The following IQGAP2 variants were observed in gnomAD, a reference collection of about 807,000 sequenced individuals.
IQGAP2 encodes ras GTPase-activating-like protein IQGAP2.
IQGAP2 carries 173 observed loss-of-function variants against 201.3 expected under a neutral mutation model. The ratio of observed to expected loss-of-function variants is 0.86; its 90% CI spans 0.76 to 0.98. IQGAP2 has a LOEUF of 0.98. IQGAP2 is among the 50% of genes least tolerant of loss of function. The pLI, the probability that IQGAP2 is intolerant of heterozygous loss-of-function variation, is 0.00. For synonymous variants in IQGAP2, 675 were observed against 673.9 expected, an observed-to-expected ratio of 1.00 and a Z score of -0.03; for missense variants, 1,687 against 1,864.8, an observed-to-expected ratio of 0.90 and a Z score of 1.76.
intron 2 of IQGAP2, among the ~76,000 whole-genome samples, chr5:76,535,591 T>C (rs1759575789): frequency 6.6e-6 from 1 of 152,200 alleles, no homozygotes; most frequent in Non-Finnish European, 1.5e-5. Flanking sequence ...GCCCTGGGTC[T>C]GTGTGACAAA....
At chr5:76,700,569 G>A (rs955655244) in intron 33 of IQGAP2, among the ~76,000 whole-genome samples, 3 of 152,070 alleles carry the variant, frequency 2.0e-5, no homozygotes, top group Non-Finnish European at 4.4e-5. Flanking sequence ...GGTTATGAGA[G>A]CTACATGATA....
At chr5:76,565,023 G>C (rs1173001009) in intron 3 of IQGAP2, among the ~76,000 whole-genome samples, 1 of 152,202 alleles carries the variant, frequency 6.6e-6, no homozygotes, top group Non-Finnish European at 1.5e-5. Context: ...GTTCTTGATG[G>C]AAACTTTGAG....
At chr5:76,477,477 A>G (rs534194323) in intron 2 of IQGAP2, among the ~76,000 whole-genome samples, 2 of 152,342 alleles carry the variant, frequency 1.3e-5, no homozygotes, top group African/African-American at 4.8e-5. Flanking sequence ...ATTCCCAATC[A>G]AAGCATTACT....
chr5:76,488,503 A>G (rs541250851), intron 2 of IQGAP2, among the ~76,000 whole-genome samples: 9 of 152,232 alleles, frequency 5.9e-5, no homozygotes, highest in Non-Finnish European at 1.2e-4. Flanking sequence ...GTGCTTCTGA[A>G]TAACAATAAA....
chr5:76,552,050 G>A (rs1743589810), intron 2 of IQGAP2, among the ~76,000 whole-genome samples: 1 of 152,168 alleles, frequency 6.6e-6, no homozygotes, highest in Non-Finnish European at 1.5e-5. Context: ...CCTCGCCCCT[G>A]GGCCTGAACA....
intron 14 of IQGAP2, among the ~76,000 whole-genome samples, chr5:76,627,831 A>G (rs767292713): frequency 2.6e-5 from 4 of 152,140 alleles, no homozygotes; most frequent in Admixed American, 1.3e-4. Flanking sequence ...TCTCCTTTCC[A>G]TGGCCTTTAT....
chr5:76,451,048 T>G (rs567759506), intron 1 of IQGAP2, among the ~76,000 whole-genome samples: 1 of 152,198 alleles, frequency 6.6e-6, no homozygotes, highest in Non-Finnish European at 1.5e-5. Context: ...CTTCCAAATA[T>G]AAGTTTTGAC....
chr5:76,447,037 G>A (rs567276644), intron 1 of IQGAP2, among the ~76,000 whole-genome samples: 12 of 152,326 alleles, frequency 7.9e-5, no homozygotes, highest in East Asian at 5.8e-4. Flanking sequence ...AAGGCTCTGC[G>A]GATCACAGAG....
At chr5:76,405,866 T>A (rs1750769319) in intron 1 of IQGAP2, among the ~76,000 whole-genome samples, 1 of 152,212 alleles carries the variant, frequency 6.6e-6, no homozygotes, top group Non-Finnish European at 1.5e-5. Flanking sequence ...AAATACAGTT[T>A]CAGTAAAACC....
intron 8 of IQGAP2, among the ~76,000 whole-genome samples, chr5:76,592,253 C>T (rs1249581942): frequency 2.0e-5 from 3 of 152,118 alleles, no homozygotes; most frequent in Non-Finnish European, 1.5e-5. Flanking sequence ...CAGCTGACCC[C>T]CTCATCTTTT....
chr5:76,563,982 CTG>C (rs1486069319), intron 3 of IQGAP2, among the ~76,000 whole-genome samples: 1 of 152,096 alleles, frequency 6.6e-6, no homozygotes, highest in Admixed American at 6.5e-5. Flanking sequence ...TATTTTGAGT[CTG>C]TTTTTCTAGT....
chr5:76,510,454 C>T (rs535878836), intron 2 of IQGAP2: 11 of 303,140 alleles, frequency 3.6e-5, no homozygotes, highest in South Asian at 1.6e-4. Context: ...CTGAGGGTCC[C>T]GGGCCAGGCA....
intron 20 of IQGAP2, among the ~76,000 whole-genome samples, chr5:76,656,391 C>T (rs1460913118): frequency 6.6e-6 from 1 of 152,054 alleles, no homozygotes; most frequent in African/African-American, 2.4e-5. Context: ...CCGTGTTAGC[C>T]AGGATGGTCT....
intron 1 of IQGAP2, among the ~76,000 whole-genome samples, chr5:76,406,573 G>A (rs1580124687): frequency 1.3e-5 from 2 of 152,218 alleles, no homozygotes; most frequent in Non-Finnish European, 2.9e-5. Context: ...TTACGCTTAG[G>A]TGTGATTTGC....
intron 2 of IQGAP2, chr5:76,510,544 C>A: frequency 2.3e-6 from 1 of 432,702 alleles, no homozygotes; most frequent in South Asian, 1.7e-5. Context: ...TGCTGGACCC[C>A]GCCAAGGTAT....
chr5:76,483,977 A>G (rs1451394667), intron 2 of IQGAP2, among the ~76,000 whole-genome samples: 3 of 151,884 alleles, frequency 2.0e-5, no homozygotes, highest in African/African-American at 7.3e-5. Flanking sequence ...GAACTAGGGG[A>G]CGCAATGTGA....
intron 2 of IQGAP2, among the ~76,000 whole-genome samples, chr5:76,467,900 G>C (rs976931259): frequency 6.6e-6 from 1 of 152,098 alleles, no homozygotes; most frequent in African/African-American, 2.4e-5. Context: ...GAAATGTCCA[G>C]AATAGACAAA....
chr5:76,525,662 C>T (rs1202398469), intron 2 of IQGAP2, among the ~76,000 whole-genome samples: 4 of 152,142 alleles, frequency 2.6e-5, no homozygotes. Flanking sequence ...TTCTGTGGAA[C>T]CCCTCTCAGA....
rs548009278 is a variant in IQGAP2 at position 76,645,078 on chromosome 5, T to C, written c.2094+3975T>C. On this transcript the variant is annotated intron_variant, in intron 17 of 35. Transcript: ENST00000274364. ...TATGTTCTCATTGTTCAACTCCTAC[T>C]TATGAGTGAGAACATGCGGTGTTTG... Among the ~76,000 whole-genome samples, 7 of 152,138 alleles carry C rather than the reference T, an allele frequency of 4.6e-5. No homozygotes were observed. The East Asian group carries it at 1.4e-3, about 29-fold the overall frequency.
Sources: allele counts gnomAD v4.1 joint callset (sites outside exome capture counted in the v4.1 genomes callset), GRCh38; gene constraint gnomAD v4.1.1; transcripts MANE v1.5; gene names NCBI Gene and HGNC (gene_info 2026-07-23, HGNC 2026-07-21).